Variants in CNPY3 observed in about 807,000 individuals in gnomAD.
The protein encoded by CNPY3 is canopy FGF signaling regulator 3.
In CNPY3, 20 loss-of-function variants were observed where a neutral mutation model predicts 32.0. The observed-to-expected ratio is 0.63, with a 90% CI of 0.44 to 0.91. The LOEUF is 0.91. Among genes scored for constraint, CNPY3 ranks in the 40% least tolerant of loss-of-function variants. The pLI, the probability that CNPY3 is intolerant of heterozygous loss-of-function variation, is 0.00. For missense variants in CNPY3, 299 were observed against 340.8 expected (o/e 0.88, Z 0.97); for synonymous variants, 138 against 142.9 (o/e 0.97, Z 0.24).
At chr6:42,935,418 A>G (rs766796542) in intron 2 of CNPY3, 156 bp from the exon 3 acceptor site, 10 of 985,270 alleles carry the variant, frequency 1.0e-5, no homozygotes, top group Non-Finnish European at 1.2e-5. Context: ...CCAGCATTTC[A>G]GATCCCCCAG....
At chr6:42,937,966 T>C (rs943294520) in intron 4 of CNPY3, 124 bp from the exon 5 acceptor site, 2 of 1,469,868 alleles carry the variant, frequency 1.4e-6, no homozygotes, top group Non-Finnish European at 9.4e-7. Flanking sequence ...CTCTCTGGCC[T>C]CAGTTTCCTT....
intron 4 of CNPY3, 85 bp from the exon 5 acceptor site, chr6:42,938,005 C>A: frequency 6.9e-7 from 1 of 1,459,072 alleles, no homozygotes; most frequent in Non-Finnish European, 9.6e-7. Flanking sequence ...GCCTACCTTG[C>A]AGTGGGTTGC....
In CNPY3 at chr6:42,929,661, G is replaced by A; in HGVS notation, c.91G>A (p.Gly31Ser). 6.4e-7 allele frequency: 1 copy of A among 1,553,064 alleles called. No individual in the cohort carries two copies. Among genetic ancestry groups the A allele is most frequent in the Non-Finnish European group, 8.7e-7 (1 of 1,148,766 alleles). Residue 31 changes from glycine (G) to serine (S), a missense_variant, in exon 1 of 6, where the codon GGC becomes AGC. Around this residue, in one of 2 missense-constraint regions of CNPY3, gnomAD observed 88 missense variants for 62.5 expected, o/e 1.41. Transcript: ENST00000372836. ...LLLLLPAPEL[G>S]PSQAGAEEND... ...GCTGCTGCTGCCGGCCCCGGAGCTG[G>A]GCCCGAGCCAGGCCGGAGCTGAGGA...
At chr6:42,932,893 T>G (rs1767932958) in intron 1 of CNPY3, among the ~76,000 whole-genome samples, 1 of 152,234 alleles carries the variant, frequency 6.6e-6, no homozygotes. Context: ...TTAAAACTGC[T>G]GATGGCATTT....
upstream of CNPY3, among the ~76,000 whole-genome samples, chr6:42,928,536 G>A (rs943740393): frequency 1.3e-5 from 2 of 151,590 alleles, no homozygotes. Flanking sequence ...CTTCCGCCTC[G>A]GCCTCCCAAA....
rs368438715 is a variant in CNPY3 at position 42,934,623 on chromosome 6, C to G, written c.275+25C>G. ...CGTAAGTGAATGGGGACTCACTGGC[C>G]TGGCCTGCGTTGCTGCTGGAGGCTT... is the stretch of plus-strand genomic sequence containing the variant. On this transcript the variant is annotated intron_variant, in intron 2 of 5. Coordinates refer to ENST00000372836, the MANE Select transcript of CNPY3 (RefSeq NM_006586.5). 3.7e-6 allele frequency: 6 copies of G among 1,612,856 alleles called. No homozygotes were observed. The African/African-American group carries it at 8.0e-5, about 22-fold the overall frequency.
At chr6:42,936,450 C>A (rs1768239541) in intron 3 of CNPY3, among the ~76,000 whole-genome samples, 1 of 152,198 alleles carries the variant, frequency 6.6e-6, no homozygotes. Context: ...GTTGATCCAG[C>A]CGTTTGGTGG....
intron 1 of CNPY3, among the ~76,000 whole-genome samples, chr6:42,933,222 A>T (rs532487207): frequency 5.5e-4 from 71 of 127,946 alleles, no homozygotes; most frequent in Non-Finnish European, 9.8e-4. Context: ...GAAGGCATTA[A>T]GTATTTTCCT....
Position 42,938,745 on chromosome 6 carries a change from T to A in CNPY3, c.791T>A (p.Ile264Asn), listed in dbSNP as rs776350885. The A allele has an allele frequency of 1.7e-5, 27 of 1,613,690 alleles. No homozygotes were observed. In the South Asian group the frequency reaches 3.0e-4, roughly 18 times the overall value. ...CCCAGCCCCGAGGAGGATGAGGGCA[T>A]CCAGAAGGCATCCCCTCTCACACAC... ...GDPSPEEDEG[I>N]QKASPLTHSP... The change falls in exon 6 of 6, where the codon ATC (isoleucine) becomes AAC (asparagine). Residue 264 changes from isoleucine to asparagine, a missense_variant. Physicochemically the swap from Ile to Asn is moderately radical, Grantham distance 149. Coordinates refer to ENST00000372836, the MANE Select transcript of CNPY3 (RefSeq NM_006586.5).
At chr6:42,928,023 T>C (rs1222096314), upstream of CNPY3, among the ~76,000 whole-genome samples, 2 of 149,130 alleles carry the variant, frequency 1.3e-5, no homozygotes, top group African/African-American at 5.0e-5. Flanking sequence ...AGTCTTGCCC[T>C]GTCGCCCAGG....
At chr6:42,932,284 A>G (rs760593606) in intron 1 of CNPY3, among the ~76,000 whole-genome samples, 17 of 152,300 alleles carry the variant, frequency 1.1e-4, no homozygotes, top group South Asian at 2.1e-4. Context: ...TCTTAATAGT[A>G]TATTTGTTTG....
At chr6:42,937,622 T>G in intron 3 of CNPY3, 95 bp from the exon 4 acceptor site, 1 of 1,317,650 alleles carries the variant, frequency 7.6e-7, no homozygotes, top group South Asian at 1.3e-5. Flanking sequence ...GCGTTGAGCA[T>G]TGGTCTTATA....
chr6:42,931,331 G>T (rs1413785138), intron 1 of CNPY3, among the ~76,000 whole-genome samples: 4 of 150,596 alleles, frequency 2.7e-5, no homozygotes, highest in Non-Finnish European at 5.9e-5. Context: ...ACCCTCCTCG[G>T]CCTTACAAAG....
At chr6:42,935,163 C>T (rs543590952) in intron 2 of CNPY3, among the ~76,000 whole-genome samples, 13 of 152,188 alleles carry the variant, frequency 8.5e-5, no homozygotes, top group Admixed American at 7.2e-4. Context: ...CCACCACACC[C>T]GGCCACAGTG....
chr6:42,936,126 G>A (rs1019666905), intron 3 of CNPY3, among the ~76,000 whole-genome samples: 3 of 152,164 alleles, frequency 2.0e-5, no homozygotes, highest in South Asian at 2.1e-4. Flanking sequence ...GTATGTGTAC[G>A]AGTGCTTTTC....
chr6:42,937,582 C>CA (rs139442358), intron 3 of CNPY3, 135 bp from the exon 4 acceptor site: 14,330 of 785,330 alleles, frequency 0.018, 2 homozygotes, highest in Non-Finnish European at 0.021. Flanking sequence ...GACTCCTTCT[C>CA]AAAAAAAAAA....
At position 42,929,702 on chromosome 6, in the gene CNPY3, C is replaced by T. The variant is rs1386867647; in HGVS notation, c.132C>T (p.Arg44=). The T allele has an allele frequency of 1.3e-6, 2 of 1,548,222 alleles. No individual in the cohort carries two copies. The highest frequency in any genetic ancestry group is 1.7e-6 in the Non-Finnish European group (2 of 1,145,382). ...GAGCTGAGGAGAACGACTGGGTTCG[C>T]CTGCCCAGCAAATGCGAAGGTGAGG... is the stretch of plus-strand genomic sequence containing the variant. ...QAGAEENDWV[R]LPSKCEVCKY... is the part of the protein sequence containing the mutation. Residue 44 remains arginine, a synonymous_variant, in exon 1 of 6, where the codon CGC becomes CGT. Transcript: ENST00000372836.
At chr6:42,934,435 T>C in intron 1 of CNPY3, 40 bp from the exon 2 acceptor site, 1 of 1,612,124 alleles carries the variant, frequency 6.2e-7, no homozygotes, top group Non-Finnish European at 8.5e-7. Flanking sequence ...CCCATTAGAC[T>C]CATGTGCACT....
intron 3 of CNPY3, among the ~76,000 whole-genome samples, chr6:42,936,906 C>CG (rs1562544751): frequency 6.6e-6 from 1 of 151,798 alleles, no homozygotes; most frequent in African/African-American, 2.4e-5. Flanking sequence ...TGTAAAAAGG[C>CG]GGGGGGAGGA....
Sources: allele counts gnomAD v4.1 joint callset (sites outside exome capture counted in the v4.1 genomes callset), GRCh38; gene constraint gnomAD v4.1.1; regional missense constraint gnomAD v4.1.1; transcripts MANE v1.5; gene names NCBI Gene and HGNC (gene_info 2026-07-23, HGNC 2026-07-21).